SYNE1: variants seen among roughly 807,000 people sequenced by gnomAD.
The protein encoded by SYNE1 is spectrin repeat containing nuclear envelope protein 1.
A neutral mutation model predicts 1,111.0 loss-of-function variants in SYNE1; 616 were observed. The observed-to-expected ratio is 0.55, with a 90% CI of 0.52 to 0.59. The LOEUF (loss-of-function observed/expected upper bound fraction) is 0.59, where lower values mean the gene tolerates loss of function less well. Ranked by LOEUF, SYNE1 falls within the 20% of genes least tolerant of loss-of-function variation. SYNE1 has a pLI of 0.00. For synonymous variants in SYNE1, 3,855 were observed against 3,825.8 expected (o/e 1.01, Z -0.28); for missense variants, 10,006 against 10,417.0 (o/e 0.96, Z 1.72).
chr6:152,455,451 G>A lies in SYNE1; in HGVS notation c.2867C>T (p.Pro956Leu). The A allele has an allele frequency of 2.5e-6, 4 of 1,614,080 alleles. No individual in the cohort carries two copies. The highest frequency in any genetic ancestry group is 2.5e-6 in the Non-Finnish European group (3 of 1,180,002). ...AQEGLEEKGD[P>L]EELLRRHTEF... is the part of the protein sequence containing the mutation. ...AGTGTGTCTCCGCAGGAGCTCCTCT[G>A]GATCCCCCTTTTCCTCCAGGCCCTC... The change falls in exon 24 of 146, where the codon CCA (proline) becomes CTA (leucine). Residue 956 changes from proline (P) to leucine (L), a missense_variant. Coordinates refer to ENST00000367255, the MANE Select transcript of SYNE1 (RefSeq NM_182961.4).
Position 152,352,156 on chromosome 6 carries a change from T to G in SYNE1, c.11451A>C (p.Leu3817Phe). The G allele has an allele frequency of 6.2e-7, 1 of 1,614,262 alleles. No homozygotes were observed. The highest frequency in any genetic ancestry group is 8.5e-7 in the Non-Finnish European group (1 of 1,180,050). Residue 3817 changes from leucine to phenylalanine, a missense_variant, in exon 70 of 146, where the codon TTA (leucine) becomes TTC (phenylalanine). By Grantham distance (22) the Leu-to-Phe change is conservative (BLOSUM62 0). Transcript: ENST00000367255. ...EHMTLEKGLH[L>F]AKEFSDKCKA... ...TGCATTTATCTGAGAATTCCTTTGC[T>G]AAATGAAGACCTTTTTCCAGCGTCA...
At chr6:152,578,146 TTATA>T (rs1199406908) in intron 3 of SYNE1, among the ~76,000 whole-genome samples, 2 of 152,312 alleles carry the variant, frequency 1.3e-5, no homozygotes, top group African/African-American at 2.4e-5. Flanking sequence ...ATCTGAAACT[TTATA>T]TTTTTTTCAC....
intron 16 of SYNE1, among the ~76,000 whole-genome samples, chr6:152,467,996 A>G (rs570573303): frequency 1.3e-5 from 2 of 152,290 alleles, no homozygotes; most frequent in East Asian, 3.9e-4. Flanking sequence ...TAATAACAAG[A>G]TTCATTTATT....
chr6:152,616,879 C>T (rs1292850388), intron 3 of SYNE1, among the ~76,000 whole-genome samples: 1 of 152,124 alleles, frequency 6.6e-6, no homozygotes, highest in Non-Finnish European at 1.5e-5. Flanking sequence ...GGGCCCTGCA[C>T]ACAGTTTTAT....
At chr6:152,407,605 C>T (rs1403600259) in intron 44 of SYNE1, among the ~76,000 whole-genome samples, 1 of 151,972 alleles carries the variant, frequency 6.6e-6, no homozygotes, top group East Asian at 1.9e-4. Context: ...TAATTAGATT[C>T]AAACATATTT....
In SYNE1 at chr6:152,149,620, T is replaced by G. The variant is rs147285387; in HGVS notation, c.24499A>C (p.Ile8167Leu). Residue 8167 changes from isoleucine (I) to leucine (L), a missense_variant, in exon 136 of 146, where the codon ATT (isoleucine) becomes CTT (leucine). Around this residue, in one of 7 missense-constraint regions of SYNE1, gnomAD observed 761 missense variants for 795.5 expected, o/e 0.96. Transcript: ENST00000367255. ...SLNHNKIEQI[I>L]AQGEQLIEKS... ...TCTATCAGCTGTTCTCCTTGGGCAA[T>G]TATCTGCTCAATCTTATTGTGGTTC... The G allele has an allele frequency of 1.1e-5, 18 of 1,614,188 alleles. No homozygotes were observed. In the Admixed American group the frequency reaches 2.3e-4, roughly 21 times the overall value.
chr6:152,276,687 T>G (rs989468190), intron 98 of SYNE1, among the ~76,000 whole-genome samples: 4 of 152,058 alleles, frequency 2.6e-5, no homozygotes. Context: ...GAGAACAGAT[T>G]GGCCTGGTCT....
Position 152,558,054 on chromosome 6 carries a change from A to G in SYNE1, c.68-18033T>C, listed in dbSNP as rs116056755. On this transcript the variant is annotated intron_variant, in intron 3 of 145. Coordinates refer to ENST00000367255, the MANE Select transcript of SYNE1 (RefSeq NM_182961.4). ...AAAGATGTAAATTGTGACATTAATAATATAAAACATGGGGAGAGGAGAAGT... is the reference window on the plus strand; with the variant it reads ...AAAGATGTAAATTGTGACATTAATAGTATAAAACATGGGGAGAGGAGAAGT... 8.1e-3 allele frequency among the ~76,000 whole-genome samples: 1,233 copies of G among 152,290 alleles called. 11 individuals carry two copies. Among genetic ancestry groups the G allele is most frequent in the African/African-American group, 0.027 (1,108 of 41,570 alleles).
intron 145 of SYNE1, chr6:152,127,532 C>G (rs1444013522): frequency 6.6e-6 from 1 of 152,174 alleles, no homozygotes; most frequent in Non-Finnish European, 1.5e-5. Flanking sequence ...CTCGGGAAAA[C>G]ATACCTGATT....
At chr6:152,554,094 A>T (rs916181973) in intron 3 of SYNE1, among the ~76,000 whole-genome samples, 2 of 151,978 alleles carry the variant, frequency 1.3e-5, no homozygotes, top group Admixed American at 1.3e-4. Flanking sequence ...AGCAGGCAAC[A>T]TTTGGAGAGC....
chr6:152,416,992 G>C lies in SYNE1; in HGVS notation c.5445C>G (p.Ser1815Arg), dbSNP rs764866629. The C allele has an allele frequency of 1.5e-5, 24 of 1,613,996 alleles. No individual in the cohort carries two copies. The highest frequency in any genetic ancestry group is 1.9e-5 in the Non-Finnish European group (23 of 1,180,046). ...RHKDHAAEVE[S>R]KKGELQSLQG... ...GCAGACTCTGCAATTCGCCCTTTTT[G>C]CTCTCTACTTCTGCTGCGTGGTCCT... Residue 1815 changes from serine (S) to arginine (R), a missense_variant, in exon 41 of 146, where the codon AGC becomes AGG. Physicochemically the swap from Ser to Arg is moderately radical, Grantham distance 110 (BLOSUM62 -1). Transcript: ENST00000367255.
At chr6:152,363,387 G>T (rs1049383110) in intron 63 of SYNE1, among the ~76,000 whole-genome samples, 1 of 150,086 alleles carries the variant, frequency 6.7e-6, no homozygotes, top group African/African-American at 2.4e-5. Context: ...CCAGCTACTC[G>T]AGAGGCTGAG....
At chr6:152,321,092 T>C (rs1180919733) in intron 84 of SYNE1, 146 bp downstream of exon 84, 3 of 867,320 alleles carry the variant, frequency 3.5e-6, no homozygotes, top group Non-Finnish European at 5.2e-6. Context: ...AAAAGACTTC[T>C]AATTTAATAT....
intron 56 of SYNE1, among the ~76,000 whole-genome samples, chr6:152,378,237 G>T (rs1461069440): frequency 6.6e-6 from 1 of 152,016 alleles, no homozygotes; most frequent in Non-Finnish European, 1.5e-5. Flanking sequence ...AGGAGGAGGG[G>T]CAAAAAGATG....
At chr6:152,589,552 T>A (rs759610993) in intron 3 of SYNE1, among the ~76,000 whole-genome samples, 3 of 152,098 alleles carry the variant, frequency 2.0e-5, no homozygotes, top group Non-Finnish European at 2.9e-5. Context: ...AATAGAACCA[T>A]ATGGGAACTT....
At chr6:152,505,118 TG>T (rs1381107711) in intron 9 of SYNE1, 82 bp downstream of exon 9, 1 of 1,483,078 alleles carries the variant, frequency 6.7e-7, no homozygotes, top group East Asian at 2.3e-5. Flanking sequence ...AATAGAATCT[TG>T]GAAGTCATGT....
chr6:152,384,143 T>C (rs1591608248), intron 55 of SYNE1, among the ~76,000 whole-genome samples: 2 of 152,242 alleles, frequency 1.3e-5, no homozygotes, highest in East Asian at 3.8e-4. Context: ...TTCATGTATG[T>C]ATTTTTTAAC....
At chr6:152,339,638 T>C (rs2096488486) in intron 74 of SYNE1, among the ~76,000 whole-genome samples, 1 of 152,240 alleles carries the variant, frequency 6.6e-6, no homozygotes, top group South Asian at 2.1e-4. Flanking sequence ...TTCTATAATC[T>C]TTCCAGATTA....
intron 74 of SYNE1, among the ~76,000 whole-genome samples, chr6:152,339,965 A>G (rs11155847): frequency 0.58 from 88,396 of 152,210 alleles, 26,042 homozygotes; most frequent in Non-Finnish European, 0.62. Context: ...GATACTGGGC[A>G]TAGAGCAGCC....
Sources: allele counts gnomAD v4.1 joint callset (sites outside exome capture counted in the v4.1 genomes callset), GRCh38; gene constraint gnomAD v4.1.1; regional missense constraint gnomAD v4.1.1; transcripts MANE v1.5; gene names NCBI Gene and HGNC (gene_info 2026-07-23, HGNC 2026-07-21).